The following ELMO1 variants were observed in gnomAD, a reference collection of about 807,000 sequenced individuals.
ELMO1 encodes engulfment and cell motility protein 1.
In ELMO1, 26 loss-of-function variants were observed where a neutral mutation model predicts 98.9. That is an observed-to-expected ratio of 0.26 (90% CI 0.19 to 0.36). The LOEUF (loss-of-function observed/expected upper bound fraction) is 0.36, where lower values mean the gene tolerates loss of function less well. ELMO1 is among the 10% of genes least tolerant of loss of function. The pLI is 1.00. For missense variants in ELMO1, 627 were observed against 935.2 expected, an observed-to-expected ratio of 0.67 and a Z score of 4.30; for synonymous variants, 346 against 346.0, an observed-to-expected ratio of 1.00 and a Z score of 0.00.
In ELMO1 at chr7:37,022,625, T is replaced by C. The variant is rs559477822; in HGVS notation, c.1301-9190A>G. Among the ~76,000 whole-genome samples, 4 of 152,388 alleles carry C rather than the reference T, an allele frequency of 2.6e-5. No homozygotes were observed. In the East Asian group the frequency reaches 7.7e-4, roughly 29 times the overall value. On this transcript the variant is annotated intron_variant, in intron 15 of 21. Transcript: ENST00000310758. ...GAACAAATGGAATCATCATCCACTG[T>C]TGATGGGAGTGTAAAATTGTTCAAC...
At chr7:37,434,764 G>C (rs1805077981) in intron 1 of ELMO1, among the ~76,000 whole-genome samples, 1 of 152,084 alleles carries the variant, frequency 6.6e-6, no homozygotes, top group Admixed American at 6.5e-5. Context: ...AACATCCAAG[G>C]TCAGCCTTTT....
chr7:37,268,143 G>A (rs1796357952), intron 5 of ELMO1, among the ~76,000 whole-genome samples: 1 of 152,152 alleles, frequency 6.6e-6, no homozygotes, highest in African/African-American at 2.4e-5. Context: ...AAAATATGCT[G>A]CATGCAACAG....
At chr7:37,148,450 C>A (rs999319281) in intron 13 of ELMO1, among the ~76,000 whole-genome samples, 5 of 152,136 alleles carry the variant, frequency 3.3e-5, no homozygotes, top group African/African-American at 1.2e-4. Context: ...TCATGAAAAT[C>A]TGAATTGACT....
chr7:36,989,971 T>C (rs2129151094), intron 16 of ELMO1, among the ~76,000 whole-genome samples: 1 of 152,316 alleles, frequency 6.6e-6, no homozygotes, highest in South Asian at 2.1e-4. Flanking sequence ...CCTTCAATCC[T>C]TCTCCCCTTC....
At chr7:36,872,307 G>A in intron 19 of ELMO1, among the ~76,000 whole-genome samples, 1 of 152,154 alleles carries the variant, frequency 6.6e-6, no homozygotes, top group Non-Finnish European at 1.5e-5. Context: ...GCAATTCCTA[G>A]GGTTGGAAAT....
Position 37,325,107 on chromosome 7 carries a change from TA to T in ELMO1, c.79-9148del, listed in dbSNP as rs563491616. Among the ~76,000 whole-genome samples, 715 of 151,698 alleles carry T rather than the reference TA, an allele frequency of 4.7e-3. 8 individuals are homozygous for T. Among genetic ancestry groups the T allele is most frequent in the African/African-American group, 0.017 (698 of 41,428 alleles). ...CATCCCTTGGACACTTCACACACTT[TA>T]AAAAAAAATGCTGGTTAAAGAAATT... is the stretch of plus-strand genomic sequence containing the variant. On this transcript the variant is annotated intron_variant, in intron 2 of 21. Coordinates refer to ENST00000310758, the MANE Select transcript of ELMO1 (RefSeq NM_014800.11).
intron 14 of ELMO1, among the ~76,000 whole-genome samples, chr7:37,114,098 G>A (rs1028332411): frequency 4.6e-5 from 7 of 152,240 alleles, no homozygotes; most frequent in African/African-American, 1.7e-4. Context: ...GAGAGCTGTG[G>A]CAAAAGTGCT....
chr7:37,038,785 T>C (rs1411026871), intron 15 of ELMO1, among the ~76,000 whole-genome samples: 1 of 152,194 alleles, frequency 6.6e-6, no homozygotes, highest in East Asian at 1.9e-4. Flanking sequence ...GCAAGCATGG[T>C]TGGGTTCTGG....
intron 13 of ELMO1, among the ~76,000 whole-genome samples, chr7:37,179,123 G>A (rs541618828): frequency 5.3e-5 from 8 of 152,248 alleles, no homozygotes; most frequent in South Asian, 4.1e-4. Flanking sequence ...CTATGGCTGC[G>A]ACAGTTCAGT....
At chr7:37,161,905 A>AATACATATATATATATATATATATAT (rs1789229131) in intron 13 of ELMO1, among the ~76,000 whole-genome samples, 1 of 42,380 alleles carries the variant, frequency 2.4e-5, no homozygotes, top group Non-Finnish European at 5.1e-5. Flanking sequence ...CAGGTAATCA[A>AATACATATATATATATATATATATAT]ATATATATAT....
intron 2 of ELMO1, among the ~76,000 whole-genome samples, chr7:37,332,390 G>A (rs960704802): frequency 4.6e-5 from 7 of 152,168 alleles, no homozygotes; most frequent in South Asian, 2.1e-4. Context: ...CTATGCTGGC[G>A]CTGGGGACAT....
chr7:37,093,001 C>T (rs71539816), intron 15 of ELMO1, among the ~76,000 whole-genome samples: 8,113 of 151,372 alleles, frequency 0.054, 274 homozygotes, highest in Middle Eastern at 0.095. Context: ...CTTCCCTTCA[C>T]TAATAAACAT....
At chr7:37,402,667 A>G (rs1008906065) in intron 1 of ELMO1, among the ~76,000 whole-genome samples, 3 of 152,204 alleles carry the variant, frequency 2.0e-5, no homozygotes, top group Admixed American at 1.3e-4. Flanking sequence ...ACTTCTGGTT[A>G]AGTAAACAAT....
At chr7:36,904,711 T>G (rs1458302260) in intron 16 of ELMO1, among the ~76,000 whole-genome samples, 1 of 152,238 alleles carries the variant, frequency 6.6e-6, no homozygotes, top group Non-Finnish European at 1.5e-5. Flanking sequence ...ACAATGTTTA[T>G]GCAAGCAACA....
chr7:36,973,204 G>A (rs907413705), intron 16 of ELMO1, among the ~76,000 whole-genome samples: 2 of 152,218 alleles, frequency 1.3e-5, no homozygotes, highest in Admixed American at 6.5e-5. Context: ...AGAGCATGGT[G>A]CAGGCTCCCA....
At chr7:37,035,015 T>C (rs978726233) in intron 15 of ELMO1, among the ~76,000 whole-genome samples, 3 of 152,178 alleles carry the variant, frequency 2.0e-5, no homozygotes, top group African/African-American at 7.2e-5. Flanking sequence ...CCAGAACCAG[T>C]AGAGTTAACC....
At chr7:37,377,580 T>C (rs1367737432) in intron 1 of ELMO1, among the ~76,000 whole-genome samples, 1 of 152,154 alleles carries the variant, frequency 6.6e-6, no homozygotes, top group African/African-American at 2.4e-5. Context: ...TGCATGTGGA[T>C]AGGAGACACC....
chr7:37,261,217 A>C (rs1795961300), intron 5 of ELMO1, among the ~76,000 whole-genome samples: 1 of 152,240 alleles, frequency 6.6e-6, no homozygotes, highest in Admixed American at 6.5e-5. Context: ...CCCAACAGGT[A>C]GGTCCTATCA....
intron 15 of ELMO1, among the ~76,000 whole-genome samples, chr7:37,050,069 C>T (rs527516669): frequency 3.3e-5 from 5 of 152,038 alleles, no homozygotes; most frequent in South Asian, 2.1e-4. Context: ...TGTGAGCCTC[C>T]GCGCCCAGCC....
Sources: allele counts gnomAD v4.1 joint callset (sites outside exome capture counted in the v4.1 genomes callset), GRCh38; gene constraint gnomAD v4.1.1; transcripts MANE v1.5; gene names NCBI Gene and HGNC (gene_info 2026-07-23, HGNC 2026-07-21).